CALN1: variants seen among roughly 807,000 people sequenced by gnomAD.
CALN1 encodes calcium-binding protein 8.
In CALN1, 17 loss-of-function variants were observed where a neutral mutation model predicts 30.6. That is an observed-to-expected ratio of 0.56 (90% CI 0.38 to 0.83). The LOEUF (loss-of-function observed/expected upper bound fraction) is 0.83, where lower values mean the gene tolerates loss of function less well. Among genes scored for constraint, CALN1 ranks in the 40% least tolerant of loss-of-function variants. The pLI is 0.00. For synonymous variants in CALN1, 156 were observed against 131.4 expected, an observed-to-expected ratio of 1.19 and a Z score of -1.28; for missense variants, 291 against 354.9, an observed-to-expected ratio of 0.82 and a Z score of 1.45.
chr7:71,884,174 A>C (rs889872455), intron 5 of CALN1, among the ~76,000 whole-genome samples: 2 of 152,016 alleles, frequency 1.3e-5, no homozygotes, highest in Non-Finnish European at 2.9e-5. Context: ...CGGCCTCCCA[A>C]AGTGCTGGGA....
chr7:72,164,900 G>C (rs75419194), intron 3 of CALN1, among the ~76,000 whole-genome samples: 7,491 of 152,054 alleles, frequency 0.049, 233 homozygotes, highest in South Asian at 0.12. Flanking sequence ...TCGCTATGTT[G>C]CCCAAACTGA....
At chr7:72,115,159 T>C (rs1013959829) in intron 3 of CALN1, among the ~76,000 whole-genome samples, 20 of 135,884 alleles carry the variant, frequency 1.5e-4, no homozygotes, top group African/African-American at 5.1e-4. Flanking sequence ...TGTCCCACAT[T>C]ATTATATACT....
intron 5 of CALN1, among the ~76,000 whole-genome samples, chr7:71,944,704 A>C (rs1336998558): frequency 6.6e-6 from 1 of 152,128 alleles, no homozygotes; most frequent in Non-Finnish European, 1.5e-5. Context: ...CAAAATGCTT[A>C]ATGAGTCAAT....
Position 72,271,575 on chromosome 7 carries a change from A to AAAAATATAT in CALN1, c.244+7110_244+7111insATATATTTT. On this transcript the variant is annotated intron_variant, in intron 3 of 6. Coordinates refer to ENST00000395275, the MANE Select transcript of CALN1 (RefSeq NM_031468.4). ...CTGTGCCTGCCTTTTAAAAAAAAAA[A>AAAAATATAT]ATATATATATATATATATAGTTTTC... is the stretch of plus-strand genomic sequence containing the variant. Among the ~76,000 whole-genome samples the AAAAATATAT allele has an allele frequency of 5.1e-3, 265 of 52,126 alleles. 19 individuals carry two copies. Among genetic ancestry groups the AAAAATATAT allele is most frequent in the Non-Finnish European group, 6.9e-3 (224 of 32,374 alleles). The allele number at this position is 52,126 out of a possible 152,430, so 34.2% of individuals were successfully genotyped here. A position where few individuals can be genotyped will look rare whatever the true frequency, so the allele number is the denominator to read the frequency against.
chr7:72,241,162 G>C (rs1443435465), intron 3 of CALN1, among the ~76,000 whole-genome samples: 1 of 152,118 alleles, frequency 6.6e-6, no homozygotes, highest in Non-Finnish European at 1.5e-5. Flanking sequence ...CAAGTAAGTT[G>C]GCTTGAGAAT....
intron 5 of CALN1, among the ~76,000 whole-genome samples, chr7:71,835,550 G>A (rs1789552027): frequency 2.0e-5 from 3 of 152,162 alleles, no homozygotes; most frequent in South Asian, 2.1e-4. Flanking sequence ...TGTGACATTT[G>A]TTAGATTCAA....
chr7:72,443,387 C>T (rs944444873), intron 1 of CALN1, among the ~76,000 whole-genome samples: 10 of 152,254 alleles, frequency 6.6e-5, no homozygotes, highest in Non-Finnish European at 1.0e-4. Flanking sequence ...TTCAATGACT[C>T]CATCTCCTTC....
intron 5 of CALN1, among the ~76,000 whole-genome samples, chr7:71,815,587 ACT>A (rs1271869413): frequency 2.0e-5 from 3 of 151,974 alleles, no homozygotes; most frequent in African/African-American, 7.3e-5. Context: ...AACTGCTAAG[ACT>A]CTGTGGTTTC....
chr7:71,937,675 T>C (rs1303618713), intron 5 of CALN1, among the ~76,000 whole-genome samples: 1 of 151,938 alleles, frequency 6.6e-6, no homozygotes, highest in East Asian at 1.9e-4. Flanking sequence ...AGATAGGGTC[T>C]CGCTGTGTTG....
intron 3 of CALN1, among the ~76,000 whole-genome samples, chr7:72,171,101 G>A (rs189666990): frequency 1.7e-4 from 26 of 152,286 alleles, no homozygotes; most frequent in Admixed American, 1.3e-3. Flanking sequence ...CGAGGTTGCA[G>A]TGAGCCAGAC....
chr7:72,351,754 G>A (rs1216063733), intron 2 of CALN1, among the ~76,000 whole-genome samples: 3 of 152,088 alleles, frequency 2.0e-5, no homozygotes, highest in African/African-American at 7.2e-5. Context: ...GAAAAGTCAT[G>A]AAAAGGGAAA....
chr7:72,252,340 C>G (rs1334839121), intron 3 of CALN1, among the ~76,000 whole-genome samples: 1 of 152,178 alleles, frequency 6.6e-6, no homozygotes, highest in Non-Finnish European at 1.5e-5. Flanking sequence ...TGACTCACAT[C>G]TATATTCCTA....
intron 3 of CALN1, among the ~76,000 whole-genome samples, chr7:72,276,418 G>A (rs112590710): frequency 4.6e-5 from 7 of 152,284 alleles, no homozygotes; most frequent in African/African-American, 7.2e-5. Context: ...AACCACCAAC[G>A]TGATGTCATT....
intron 3 of CALN1, among the ~76,000 whole-genome samples, chr7:72,166,270 T>C (rs186838464): frequency 7.2e-5 from 11 of 152,286 alleles, no homozygotes; most frequent in Non-Finnish European, 1.3e-4. Flanking sequence ...GGCATGATCA[T>C]AGCTCACTGC....
intron 3 of CALN1, among the ~76,000 whole-genome samples, chr7:72,245,229 C>G (rs1348502795): frequency 6.6e-6 from 1 of 152,204 alleles, no homozygotes; most frequent in Non-Finnish European, 1.5e-5. Flanking sequence ...CTGGTAAGGA[C>G]AACATCATCT....
intron 5 of CALN1, among the ~76,000 whole-genome samples, chr7:71,949,922 TG>T (rs1562929329): frequency 6.6e-6 from 1 of 152,008 alleles, no homozygotes; most frequent in East Asian, 1.9e-4. Context: ...CCACTACGCC[TG>T]GCTAATTTTT....
intron 5 of CALN1, among the ~76,000 whole-genome samples, chr7:71,905,410 C>A (rs1448669850): frequency 5.3e-5 from 8 of 151,386 alleles, no homozygotes; most frequent in Non-Finnish European, 1.5e-5. Flanking sequence ...TCTATCCCCC[C>A]TCCTACCCTC....
At chr7:72,437,860 TTTC>T (rs2129564273) in intron 1 of CALN1, among the ~76,000 whole-genome samples, 2 of 144,714 alleles carry the variant, frequency 1.4e-5, no homozygotes, top group East Asian at 4.3e-4. Context: ...TCCTTCCTTC[TTTC>T]TTTTCTTCCT....
rs765933693 is a variant in CALN1 at position 72,278,776 on chromosome 7, A to G, written c.154T>C (p.Leu52=). The G allele has an allele frequency of 2.5e-6, 4 of 1,613,742 alleles. No homozygotes were observed. The highest frequency in any genetic ancestry group is 3.4e-6 in the Non-Finnish European group (4 of 1,179,778). The change falls in exon 3 of 7, where the codon TTG becomes CTG. Residue 52 remains leucine (L), a synonymous_variant. Transcript: ENST00000395275. The part of the protein sequence containing the change: ...KMPFHHVTAG[L]LYKGNYLNRS... ...TTGAGGTAATTCCCCTTGTACAACA[A>G]GCCGGCGGTCACATGGTGGAACGGC...
Sources: allele counts gnomAD v4.1 joint callset (sites outside exome capture counted in the v4.1 genomes callset), GRCh38; gene constraint gnomAD v4.1.1; transcripts MANE v1.5; gene names NCBI Gene and HGNC (gene_info 2026-07-23, HGNC 2026-07-21).